SCHIP1: variants seen among roughly 807,000 people sequenced by gnomAD.
SCHIP1 encodes schwannomin-interacting protein 1.
In SCHIP1, 8 loss-of-function variants were observed where a neutral mutation model predicts 29.7. The observed-to-expected ratio is 0.27, with a 90% CI of 0.16 to 0.49. The LOEUF is 0.49. SCHIP1 is among the 20% of genes least tolerant of loss of function. SCHIP1 has a pLI of 0.99. For synonymous variants in SCHIP1, 76 were observed against 94.9 expected (o/e 0.80, Z 1.16); for missense variants, 193 against 294.6 (o/e 0.66, Z 2.52).
At chr3:159,749,582 C>T in the SCHIP1 span, among the ~76,000 whole-genome samples, 1,071 of 152,266 alleles carry the variant, frequency 7.0e-3, 14 homozygotes, top group African/African-American at 0.025. Context: ...TGCAACATTC[C>T]TGGAGAGCCA....
chr3:159,610,438 C>T, the SCHIP1 span, among the ~76,000 whole-genome samples: 1 of 152,078 alleles, frequency 6.6e-6, no homozygotes, highest in Admixed American at 6.6e-5. Flanking sequence ...TTTTCCAAGT[C>T]GGATTCAATA....
chr3:159,614,469 T>C, the SCHIP1 span, among the ~76,000 whole-genome samples: 5 of 152,204 alleles, frequency 3.3e-5, no homozygotes, highest in South Asian at 4.1e-4. Flanking sequence ...TTGTTTTTTT[T>C]CACCCCGTGT....
chr3:159,486,062 T>G, the SCHIP1 span, among the ~76,000 whole-genome samples: 3 of 152,190 alleles, frequency 2.0e-5, no homozygotes, highest in African/African-American at 7.2e-5. Flanking sequence ...TACAGTGTGA[T>G]GTTTTGGTAT....
the SCHIP1 span, among the ~76,000 whole-genome samples, chr3:159,648,418 T>G: frequency 6.6e-6 from 1 of 152,308 alleles, no homozygotes; most frequent in Non-Finnish European, 1.5e-5. Context: ...AGTTTCCTAT[T>G]TCTTAAATAA....
chr3:159,369,713 C>G, the SCHIP1 span, among the ~76,000 whole-genome samples: 1 of 152,112 alleles, frequency 6.6e-6, no homozygotes, highest in South Asian at 2.1e-4. Context: ...GTAAGGGGAA[C>G]AATTCAGCCT....
chr3:159,471,954 A>G, the SCHIP1 span, among the ~76,000 whole-genome samples: 1 of 152,130 alleles, frequency 6.6e-6, no homozygotes, highest in Admixed American at 6.6e-5. Context: ...AGAAAGACAT[A>G]TATGCAGTAT....
the SCHIP1 span, among the ~76,000 whole-genome samples, chr3:159,787,403 C>A: frequency 6.6e-6 from 1 of 152,170 alleles, no homozygotes; most frequent in South Asian, 2.1e-4. Flanking sequence ...CTTTTCGGTT[C>A]TTTCTCTGGA....
Position 159,843,001 on chromosome 3 carries a change from C to CTTCTTTTTTTT in SCHIP1, c.30+2789_30+2790insCTTTTTTTTTT, listed in dbSNP as rs1744394617. ...TCCAGTTCTATCCCAATATTTCTTT[C>CTTCTTTTTTTT]TTTTTTTTTTTTTTTTTTTTTTTTT... On this transcript the variant is annotated intron_variant, in intron 1 of 6. Coordinates refer to ENST00000445224, the Ensembl canonical transcript of SCHIP1. Among the ~76,000 whole-genome samples the CTTCTTTTTTTT allele has an allele frequency of 2.4e-4, 15 of 63,732 alleles. 1 individual carries two copies. Among genetic ancestry groups the CTTCTTTTTTTT allele is most frequent in the African/African-American group, 7.1e-4 (15 of 21,202 alleles). The allele number at this position is 63,732 out of a possible 152,430, so 41.8% of individuals were successfully genotyped here. A position where few individuals can be genotyped will look rare whatever the true frequency, so the allele number is the denominator to read the frequency against.
At chr3:159,383,313 G>A in the SCHIP1 span, among the ~76,000 whole-genome samples, 7 of 151,390 alleles carry the variant, frequency 4.6e-5, no homozygotes, top group Admixed American at 4.6e-4. Context: ...TCCAGTTTCA[G>A]CTTTCTACAT....
the SCHIP1 span, among the ~76,000 whole-genome samples, chr3:159,493,885 A>G: frequency 1.3e-5 from 2 of 152,034 alleles, no homozygotes; most frequent in Admixed American, 6.6e-5. Flanking sequence ...AAAAGAACAG[A>G]AATTATAACA....
At chr3:159,810,202 C>T in the SCHIP1 span, among the ~76,000 whole-genome samples, 3 of 152,104 alleles carry the variant, frequency 2.0e-5, no homozygotes, top group Non-Finnish European at 4.4e-5. Context: ...GGTGCCACCA[C>T]GCCCAGCTAA....
At chr3:159,642,732 C>T in the SCHIP1 span, among the ~76,000 whole-genome samples, 17 of 152,178 alleles carry the variant, frequency 1.1e-4, no homozygotes, top group African/African-American at 4.1e-4. Context: ...TCATGGGTTG[C>T]AGATTGTGAA....
chr3:159,295,146 TCTC>T, the SCHIP1 span, among the ~76,000 whole-genome samples: 1 of 151,272 alleles, frequency 6.6e-6, no homozygotes, highest in African/African-American at 2.4e-5. Flanking sequence ...GAATTGCTCT[TCTC>T]ATTTAATTTA....
At chr3:159,395,496 T>TCC in the SCHIP1 span, among the ~76,000 whole-genome samples, 2 of 151,398 alleles carry the variant, frequency 1.3e-5, no homozygotes, top group Non-Finnish European at 3.0e-5. Flanking sequence ...TTTGAATGTG[T>TCC]CCCAGAGATT....
At chr3:159,311,846 G>A in the SCHIP1 span, among the ~76,000 whole-genome samples, 5 of 152,054 alleles carry the variant, frequency 3.3e-5, no homozygotes, top group African/African-American at 1.2e-4. Context: ...CTCCCAAGAA[G>A]GAGATAAGGT....
the SCHIP1 span, among the ~76,000 whole-genome samples, chr3:159,706,820 C>T: frequency 6.6e-6 from 1 of 152,176 alleles, no homozygotes; most frequent in Non-Finnish European, 1.5e-5. Flanking sequence ...GCTAAAGGAC[C>T]TCTAAAGGGT....
At chr3:159,759,296 T>A in the SCHIP1 span, among the ~76,000 whole-genome samples, 2 of 152,262 alleles carry the variant, frequency 1.3e-5, no homozygotes, top group Non-Finnish European at 2.9e-5. Context: ...TCTACAGAAA[T>A]AAAAGAGAGC....
At chr3:159,463,366 A>T in the SCHIP1 span, among the ~76,000 whole-genome samples, 2 of 152,086 alleles carry the variant, frequency 1.3e-5, no homozygotes, top group African/African-American at 2.4e-5. Flanking sequence ...AGTATTTTCT[A>T]TTTAATTTGA....
chr3:159,720,876 C>T, the SCHIP1 span, among the ~76,000 whole-genome samples: 3 of 152,260 alleles, frequency 2.0e-5, no homozygotes, highest in Admixed American at 6.5e-5. Flanking sequence ...TGAGCTACCA[C>T]GCCCAGCCTA....
Sources: gnomAD v4.1 joint callset for allele counts (sites outside exome capture counted in the v4.1 genomes callset) on GRCh38, gnomAD v4.1.1 for gene constraint, MANE v1.5 for transcripts, NCBI Gene and HGNC (gene_info 2026-07-23, HGNC 2026-07-21) for gene names.